DIAPH2: variants seen among roughly 807,000 people sequenced by gnomAD.
DIAPH2 encodes diaphanous related formin 2, also known as protein diaphanous homolog 2.
A neutral mutation model predicts 92.7 loss-of-function variants in DIAPH2; 35 were observed. That is an observed-to-expected ratio of 0.38 (90% confidence interval 0.29 to 0.50). The LOEUF is 0.50. Ranked by LOEUF, DIAPH2 falls within the 20% of genes least tolerant of loss-of-function variation. The pLI, the probability that DIAPH2 is intolerant of heterozygous loss-of-function variation, is 0.94. For synonymous variants in DIAPH2, 301 were observed against 280.4 expected (o/e 1.07, Z -0.73); for missense variants, 701 against 819.5 (o/e 0.86, Z 1.77).
chrX:96,686,406 CTT>C (rs775191247), intron 1 of DIAPH2, among the ~76,000 whole-genome samples: 9 of 110,790 alleles, frequency 8.1e-5, no homozygotes, highest in Non-Finnish European at 1.3e-4. Flanking sequence ...AAAAAAAACA[CTT>C]ATCTCTGTTA....
intron 4 of DIAPH2, among the ~76,000 whole-genome samples, chrX:96,810,577 T>A (rs1221745845): frequency 3.6e-5 from 4 of 111,781 alleles, no homozygotes; most frequent in Non-Finnish European, 7.5e-5. Context: ...GGTGTTTTAG[T>A]CATGAGGTCC....
chrX:96,884,124 G>C, intron 5 of DIAPH2: 1 of 421,051 alleles, frequency 2.4e-6, no homozygotes, highest in East Asian at 3.8e-5. Flanking sequence ...CATTCTGGTA[G>C]TTGATTGGTC....
At chrX:96,957,452 G>C (rs991419198) in intron 15 of DIAPH2, among the ~76,000 whole-genome samples, 2 of 111,803 alleles carry the variant, frequency 1.8e-5, no homozygotes, top group Non-Finnish European at 3.8e-5. Context: ...CAGTAGCAAG[G>C]AGAAGGGCCA....
chrX:97,198,762 A>G (rs1220353835), intron 22 of DIAPH2, among the ~76,000 whole-genome samples: 1 of 111,380 alleles, frequency 9.0e-6, no homozygotes, highest in Non-Finnish European at 1.9e-5. Flanking sequence ...ATTGAACTTC[A>G]ACTACATAGT....
chrX:97,494,866 G>T (rs1043841972), intron 26 of DIAPH2, among the ~76,000 whole-genome samples: 1 of 112,700 alleles, frequency 8.9e-6, no homozygotes, highest in Non-Finnish European at 1.9e-5. Flanking sequence ...TCCTATCACA[G>T]TGGAAGAAGC....
chrX:96,916,076 G>C (rs1333776180), intron 7 of DIAPH2, among the ~76,000 whole-genome samples: 2 of 111,586 alleles, frequency 1.8e-5, no homozygotes, highest in African/African-American at 6.5e-5. Context: ...ACGAATTCCA[G>C]ACATCTCCAG....
chrX:97,317,982 T>C (rs2068854168), intron 23 of DIAPH2, among the ~76,000 whole-genome samples: 1 of 111,771 alleles, frequency 8.9e-6, no homozygotes, highest in African/African-American at 3.3e-5. Flanking sequence ...TTATATAAGA[T>C]ACAATATTTT....
intron 19 of DIAPH2, chrX:97,081,939 C>G (rs1380921320): frequency 1.8e-5 from 2 of 108,444 alleles, no homozygotes; most frequent in Non-Finnish European, 3.8e-5. Context: ...CTGGCTAACA[C>G]GGTGAAACCC....
chrX:96,772,331 T>C (rs1282394534), intron 4 of DIAPH2, among the ~76,000 whole-genome samples: 1 of 112,023 alleles, frequency 8.9e-6, no homozygotes, highest in African/African-American at 3.2e-5. Flanking sequence ...GCATCAGTTT[T>C]TCAGAAGACA....
At chrX:97,109,594 G>C (rs1001764146) in intron 20 of DIAPH2, among the ~76,000 whole-genome samples, 1 of 110,956 alleles carries the variant, frequency 9.0e-6, no homozygotes, top group South Asian at 3.9e-4. Context: ...TTAAGAAAAA[G>C]CTGTATGGGG....
intron 23 of DIAPH2, among the ~76,000 whole-genome samples, chrX:97,347,195 T>G (rs1189723616): frequency 9.3e-6 from 1 of 107,190 alleles, no homozygotes; most frequent in Admixed American, 1.0e-4. Context: ...TTCAAGCAAT[T>G]TTCCTGCCTC....
At chrX:97,322,701 A>G (rs927782819) in intron 23 of DIAPH2, among the ~76,000 whole-genome samples, 2 of 111,039 alleles carry the variant, frequency 1.8e-5, no homozygotes, top group African/African-American at 3.3e-5. Context: ...AACAAACAAA[A>G]AAAAACCCTT....
At chrX:97,596,083 C>A (rs1049686454) in intron 26 of DIAPH2, among the ~76,000 whole-genome samples, 1 of 112,090 alleles carries the variant, frequency 8.9e-6, no homozygotes, top group African/African-American at 3.2e-5. Flanking sequence ...GCATGCATAG[C>A]CGGCTCTGGT....
intron 26 of DIAPH2, among the ~76,000 whole-genome samples, chrX:97,570,461 T>C (rs2071362985): frequency 9.2e-6 from 1 of 108,413 alleles, no homozygotes; most frequent in Non-Finnish European, 1.9e-5. Context: ...GTGACTAGCT[T>C]TCACTCTCTT....
At chrX:97,023,803 T>C (rs762251136) in intron 17 of DIAPH2, among the ~76,000 whole-genome samples, 2 of 112,480 alleles carry the variant, frequency 1.8e-5, no homozygotes, top group Non-Finnish European at 3.8e-5. Context: ...TTAGATTCCG[T>C]GTTTTCTTTG....
chrX:97,357,210 C>T (rs1313880184), intron 24 of DIAPH2, among the ~76,000 whole-genome samples: 1 of 111,481 alleles, frequency 9.0e-6, no homozygotes, highest in Non-Finnish European at 1.9e-5. Context: ...TTGAGATTGG[C>T]CAGAGGTATT....
intron 1 of DIAPH2, among the ~76,000 whole-genome samples, chrX:96,690,930 G>A (rs768803918): frequency 4.3e-4 from 48 of 111,787 alleles, no homozygotes; most frequent in East Asian, 5.6e-4. Context: ...GAAATTATCC[G>A]TAGCACTGAG....
chrX:96,690,369 C>T (rs948208686), intron 1 of DIAPH2, among the ~76,000 whole-genome samples: 1 of 111,365 alleles, frequency 9.0e-6, no homozygotes, highest in Non-Finnish European at 1.9e-5. Context: ...GATAATGCTG[C>T]CTGCCTGATT....
intron 26 of DIAPH2, among the ~76,000 whole-genome samples, chrX:97,521,341 A>T (rs2070989612): frequency 8.9e-6 from 1 of 112,455 alleles, no homozygotes; most frequent in African/African-American, 3.2e-5. Context: ...AATTTGCAAC[A>T]CATTGTACAA....
Sources: gnomAD v4.1 joint callset for allele counts (sites outside exome capture counted in the v4.1 genomes callset) on GRCh38, gnomAD v4.1.1 for gene constraint, MANE v1.5 for transcripts, NCBI Gene and HGNC (gene_info 2026-07-23, HGNC 2026-07-21) for gene names.